The following BRINP3 variants were observed in gnomAD, a reference collection of about 807,000 sequenced individuals.
BRINP3 encodes BMP/retinoic acid inducible neural specific 3.
In BRINP3, 19 loss-of-function variants were observed where a neutral mutation model predicts 71.0. That is an observed-to-expected ratio of 0.27 (90% CI 0.19 to 0.39). The LOEUF is 0.39. Ranked by LOEUF, BRINP3 falls within the 10% of genes least tolerant of loss-of-function variation. The probability of loss-of-function intolerance (pLI) is 1.00; values close to 1 mark genes in which losing one functional copy is unlikely to be tolerated. For missense variants in BRINP3, 959 were observed against 940.8 expected (o/e 1.02, Z -0.25); for synonymous variants, 380 against 337.7 (o/e 1.13, Z -1.37).
At chr1:190,355,820 A>G (rs548518312) in intron 2 of BRINP3, among the ~76,000 whole-genome samples, 1 of 151,998 alleles carries the variant, frequency 6.6e-6, no homozygotes, top group South Asian at 2.1e-4. Context: ...TTCAATCTTT[A>G]TAGAACTGAC....
chr1:190,216,504 T>G (rs1479341475), intron 6 of BRINP3, among the ~76,000 whole-genome samples: 1 of 151,898 alleles, frequency 6.6e-6, no homozygotes, highest in African/African-American at 2.4e-5. Flanking sequence ...AGAAATTTTC[T>G]CAGGTTGCAA....
Position 190,388,958 on chromosome 1 carries a change from A to T in BRINP3, c.236+65697T>A, listed in dbSNP as rs1437162660. On this transcript the variant is annotated intron_variant, in intron 2 of 7. Transcript: ENST00000367462. Reference sequence around the variant, plus strand: ...GCACTAGTCAGGTTCTCACTTATTTACTGAGCTTAATAGAGTACTAGGCAC... The same window carrying T: ...GCACTAGTCAGGTTCTCACTTATTTTCTGAGCTTAATAGAGTACTAGGCAC... Among the ~76,000 whole-genome samples the T allele has an allele frequency of 3.3e-5, 5 of 151,788 alleles. No homozygotes were observed. In the East Asian group the frequency reaches 7.7e-4, roughly 23 times the overall value.
chr1:190,337,943 T>C (rs566556944), intron 2 of BRINP3, among the ~76,000 whole-genome samples: 1 of 152,038 alleles, frequency 6.6e-6, no homozygotes, highest in South Asian at 2.1e-4. Context: ...CTTTTATACG[T>C]GAAATGGGTC....
At chr1:190,434,235 G>C (rs1042443469) in intron 2 of BRINP3, among the ~76,000 whole-genome samples, 1 of 151,736 alleles carries the variant, frequency 6.6e-6, no homozygotes, top group Non-Finnish European at 1.5e-5. Context: ...CCAGCCTCCG[G>C]AACAGCTGGG....
At chr1:190,235,841 G>A (rs531946622) in intron 4 of BRINP3, among the ~76,000 whole-genome samples, 1 of 151,952 alleles carries the variant, frequency 6.6e-6, no homozygotes, top group South Asian at 2.1e-4. Flanking sequence ...CTTTTTCACA[G>A]TAGATATCAG....
chr1:190,270,207 T>A (rs1661988625), intron 3 of BRINP3, among the ~76,000 whole-genome samples: 1 of 151,862 alleles, frequency 6.6e-6, no homozygotes, highest in South Asian at 2.1e-4. Flanking sequence ...TATGAATATT[T>A]ACCTACAGGA....
At chr1:190,227,626 A>T (rs1657523446) in intron 5 of BRINP3, among the ~76,000 whole-genome samples, 1 of 151,926 alleles carries the variant, frequency 6.6e-6, no homozygotes, top group Non-Finnish European at 1.5e-5. Context: ...AAGTAAAAAA[A>T]CTTTTTATTA....
rs1476462314 is a variant in BRINP3 at position 190,475,064 on chromosome 1, AAT to A, written c.-51+2382_-51+2383del. Among the ~76,000 whole-genome samples, 27 of 152,240 alleles carry A rather than the reference AAT, an allele frequency of 1.8e-4. No individual in the cohort carries two copies. In the South Asian group the frequency reaches 4.6e-3, roughly 26 times the overall value. ...ATTCCAAGCTCTAGCTTCAAGTTGA[AAT>A]CTAACTCTCTTCCGCTCTCCCCACC... On this transcript the variant is annotated intron_variant, in intron 1 of 7. Coordinates refer to ENST00000367462, the MANE Select transcript of BRINP3 (RefSeq NM_199051.3).
At chr1:190,331,913 G>T (rs1020814219) in intron 2 of BRINP3, among the ~76,000 whole-genome samples, 1 of 151,832 alleles carries the variant, frequency 6.6e-6, no homozygotes, top group African/African-American at 2.4e-5. Flanking sequence ...TAATCTCAAG[G>T]AAATTCATTT....
intron 4 of BRINP3, among the ~76,000 whole-genome samples, chr1:190,258,273 G>A (rs1268818821): frequency 6.6e-6 from 1 of 152,146 alleles, no homozygotes; most frequent in Admixed American, 6.5e-5. Flanking sequence ...AGGCTCCGTG[G>A]GCATGGGACC....
intron 7 of BRINP3, among the ~76,000 whole-genome samples, chr1:190,138,675 C>T (rs1160476812): frequency 1.3e-5 from 2 of 152,100 alleles, no homozygotes; most frequent in Admixed American, 1.3e-4. Context: ...CAGCAGTCCA[C>T]CTGCAGAGTT....
chr1:190,107,174 C>A (rs931089407), intron 7 of BRINP3, among the ~76,000 whole-genome samples: 1 of 151,908 alleles, frequency 6.6e-6, no homozygotes, highest in Non-Finnish European at 1.5e-5. Flanking sequence ...GGATGACATC[C>A]TAATACCTTT....
In BRINP3 at chr1:190,362,399, A is replaced by G. The variant is rs1242587006; in HGVS notation, c.237-80649T>C. On this transcript the variant is annotated intron_variant, in intron 2 of 7. Transcript: ENST00000367462. ...AAAAAGAAAACATGTGTTTTGTAGG[A>G]TATTATGCCTAAGCTATATCTTAAA... 4 of 151,980 alleles carry G rather than the reference A, an allele frequency of 2.6e-5. No individual in the cohort carries two copies. In the East Asian group the frequency reaches 5.8e-4, roughly 22 times the overall value. 9.4% of individuals were successfully genotyped at this position (151,980 alleles called of 1,614,324 possible). A position where few individuals can be genotyped will look rare whatever the true frequency, so the allele number is the denominator to read the frequency against.
intron 2 of BRINP3, among the ~76,000 whole-genome samples, chr1:190,343,268 C>T (rs1667788395): frequency 6.6e-6 from 1 of 151,746 alleles, no homozygotes; most frequent in South Asian, 2.1e-4. Flanking sequence ...ATTTAAAATT[C>T]TGTGGCAGAT....
chr1:190,109,113 G>C (rs563026722), intron 7 of BRINP3, among the ~76,000 whole-genome samples: 1 of 152,026 alleles, frequency 6.6e-6, no homozygotes, highest in East Asian at 1.9e-4. Flanking sequence ...ACAAAGTTAT[G>C]TTATCTTTAT....
At chr1:190,138,637 A>G (rs1349173035) in intron 7 of BRINP3, among the ~76,000 whole-genome samples, 1 of 152,094 alleles carries the variant, frequency 6.6e-6, no homozygotes, top group East Asian at 1.9e-4. Context: ...GAACGCTGTG[A>G]AACTTGGGGA....
intron 2 of BRINP3, among the ~76,000 whole-genome samples, chr1:190,417,250 A>T (rs1438372670): frequency 2.0e-5 from 3 of 152,152 alleles, no homozygotes; most frequent in African/African-American, 7.2e-5. Flanking sequence ...AACAAAAAAA[A>T]AATCATTTTG....
chr1:190,437,687 C>T (rs556904746), intron 2 of BRINP3, among the ~76,000 whole-genome samples: 1 of 151,718 alleles, frequency 6.6e-6, no homozygotes, highest in South Asian at 2.1e-4. Context: ...TCAACAATTT[C>T]ATTATTTGTT....
intron 2 of BRINP3, among the ~76,000 whole-genome samples, chr1:190,405,119 C>T (rs1672175845): frequency 6.6e-6 from 1 of 152,088 alleles, no homozygotes; most frequent in Non-Finnish European, 1.5e-5. Flanking sequence ...AATTATTCCA[C>T]ATTTTCTTAT....
Sources: gnomAD v4.1 joint callset for allele counts (sites outside exome capture counted in the v4.1 genomes callset) on GRCh38, gnomAD v4.1.1 for gene constraint, MANE v1.5 for transcripts, NCBI Gene and HGNC (gene_info 2026-07-23, HGNC 2026-07-21) for gene names.